The following MMP16 variants were observed in gnomAD, a reference collection of about 807,000 sequenced individuals.
MMP16 encodes matrix metalloproteinase-16.
In MMP16, 12 loss-of-function variants were observed where a neutral mutation model predicts 67.8. That is an observed-to-expected ratio of 0.18 (90% confidence interval 0.11 to 0.29). The LOEUF (loss-of-function observed/expected upper bound fraction) is 0.29. Among genes scored for constraint, MMP16 ranks in the 10% least tolerant of loss-of-function variants. MMP16 has a pLI of 1.00. For synonymous variants in MMP16, 249 were observed against 255.9 expected, an observed-to-expected ratio of 0.97 and a Z score of 0.26; for missense variants, 475 against 765.7, an observed-to-expected ratio of 0.62 and a Z score of 4.48.
intron 4 of MMP16, among the ~76,000 whole-genome samples, chr8:88,132,276 C>T (rs898344559): frequency 5.9e-5 from 9 of 151,980 alleles, no homozygotes; most frequent in African/African-American, 2.2e-4. Context: ...TTCAATTGTA[C>T]TTCATAAACA....
At chr8:88,139,491 CA>C (rs1192093541) in intron 4 of MMP16, among the ~76,000 whole-genome samples, 2 of 151,928 alleles carry the variant, frequency 1.3e-5, no homozygotes, top group Non-Finnish European at 2.9e-5. Flanking sequence ...AAAAAAGAGA[CA>C]TGCCATTTAT....
chr8:88,287,510 C>T lies in MMP16; in HGVS notation c.132+39565G>A, dbSNP rs76382750. ...TTTTCTATTTACTTCATACATAATA[C>T]CCCAAATTCAGGCCCTCGGGTTGAT... On this transcript the variant is annotated intron_variant, in intron 1 of 9. Coordinates refer to ENST00000286614, the MANE Select transcript of MMP16 (RefSeq NM_005941.5). Among the ~76,000 whole-genome samples, 1,367 of 152,264 alleles carry T rather than the reference C, an allele frequency of 9.0e-3. 10 individuals carry two copies. Among genetic ancestry groups the T allele is most frequent in the Middle Eastern group, 0.014 (4 of 294 alleles).
chr8:88,130,121 A>G (rs1264136583), intron 4 of MMP16, among the ~76,000 whole-genome samples: 1 of 151,804 alleles, frequency 6.6e-6, no homozygotes, highest in Non-Finnish European at 1.5e-5. Context: ...ATACATGTAA[A>G]GTTTGGCTTG....
intron 1 of MMP16, among the ~76,000 whole-genome samples, chr8:88,312,739 CG>C: frequency 6.6e-6 from 1 of 152,108 alleles, no homozygotes; most frequent in East Asian, 1.9e-4. Flanking sequence ...GAGGCTGAGG[CG>C]GGCAGATCAC....
intron 5 of MMP16, among the ~76,000 whole-genome samples, 171 bp from the exon 6 acceptor site, chr8:88,116,889 T>C (rs551585041): frequency 3.2e-4 from 49 of 152,212 alleles, no homozygotes; most frequent in Admixed American, 7.9e-4. Context: ...CAAAAAAGCA[T>C]TGCCAAGCCT....
chr8:88,044,881 C>T (rs926490398), intron 9 of MMP16, among the ~76,000 whole-genome samples: 4 of 152,154 alleles, frequency 2.6e-5, no homozygotes. Flanking sequence ...ATTTCTTTGT[C>T]CTTCTTAGCT....
At chr8:88,215,243 T>A (rs955677377) in intron 1 of MMP16, among the ~76,000 whole-genome samples, 9 of 151,832 alleles carry the variant, frequency 5.9e-5, no homozygotes, top group Non-Finnish European at 1.3e-4. Context: ...GGCAGCAGAA[T>A]TGCTTGAACC....
intron 4 of MMP16, among the ~76,000 whole-genome samples, chr8:88,136,569 T>G (rs542322114): frequency 2.5e-4 from 38 of 151,626 alleles, no homozygotes; most frequent in African/African-American, 9.2e-4. Context: ...TATCAGAGCC[T>G]GATAACCACA....
intron 4 of MMP16, among the ~76,000 whole-genome samples, chr8:88,120,746 C>T (rs1483236285): frequency 6.6e-6 from 1 of 151,992 alleles, no homozygotes; most frequent in African/African-American, 2.4e-5. Flanking sequence ...CAGAAAATAG[C>T]TTCAGAAACT....
In MMP16 at chr8:88,321,458, G is replaced by A. The variant is rs553176960; in HGVS notation, c.132+5617C>T. 3.2e-4 allele frequency among the ~76,000 whole-genome samples: 49 copies of A among 151,866 alleles called. 1 individual carries two copies. The highest frequency in any genetic ancestry group is 1.0e-4 in the Non-Finnish European group (7 of 67,978). ...TATATTTTTTAAATTAATTTTTAAG[G>A]TTTGCTACCTTGGCCAAAACTAGAT... On this transcript the variant is annotated intron_variant, in intron 1 of 9. Transcript: ENST00000286614.
chr8:88,251,180 G>A (rs1002664779), intron 1 of MMP16, among the ~76,000 whole-genome samples: 50 of 151,182 alleles, frequency 3.3e-4, no homozygotes, highest in Admixed American at 9.9e-4. Context: ...AGCCCGCATC[G>A]CCAAGTCAAT....
In MMP16 at chr8:88,197,025, G is replaced by C. The variant is rs543083027; in HGVS notation, c.281+133C>G. On this transcript the variant is annotated intron_variant, in intron 2 of 9. Transcript: ENST00000286614. ...TATTGGAGGAGTGGGGTTAAATTAG[G>C]TTATATAATTCCAAAGAAAGTTCAT... The C allele has an allele frequency of 7.4e-6, 6 of 813,986 alleles. No homozygotes were observed. In the South Asian group the frequency reaches 1.2e-4, roughly 16 times the overall value. The allele number at this position is 813,986 out of a possible 1,614,324, so 50.4% of individuals were successfully genotyped here. A position where few individuals can be genotyped will look rare whatever the true frequency, so the allele number is the denominator to read the frequency against.
intron 1 of MMP16, among the ~76,000 whole-genome samples, chr8:88,261,234 C>T (rs1484696788): frequency 6.6e-6 from 1 of 152,146 alleles, no homozygotes; most frequent in East Asian, 1.9e-4. Context: ...TAGGTAGTTA[C>T]GCACAGTGGG....
At chr8:88,230,552 T>C (rs1038985571) in intron 1 of MMP16, among the ~76,000 whole-genome samples, 57 of 116,214 alleles carry the variant, frequency 4.9e-4, no homozygotes, top group Middle Eastern at 4.5e-3. Flanking sequence ...TTTTTTTTTT[T>C]AGTAAGGATC....
intron 4 of MMP16, among the ~76,000 whole-genome samples, chr8:88,146,062 T>G (rs867222418): frequency 3.9e-5 from 6 of 152,126 alleles, no homozygotes; most frequent in Non-Finnish European, 7.4e-5. Context: ...ATAGTTCTTT[T>G]GCCTTAACAT....
intron 7 of MMP16, chr8:88,069,488 A>G (rs751216236): frequency 7.6e-6 from 4 of 525,646 alleles, no homozygotes; most frequent in Non-Finnish European, 7.8e-6. Flanking sequence ...TGTAGAGCCA[A>G]CCATCTTGGA....
At chr8:88,262,973 C>G (rs930781320) in intron 1 of MMP16, among the ~76,000 whole-genome samples, 4 of 150,990 alleles carry the variant, frequency 2.6e-5, no homozygotes, top group Admixed American at 6.6e-5. Context: ...TGCAGTGAGC[C>G]GAGATCGCGC....
At chr8:88,147,082 T>C (rs1563545313) in intron 4 of MMP16, among the ~76,000 whole-genome samples, 1 of 152,046 alleles carries the variant, frequency 6.6e-6, no homozygotes, top group Non-Finnish European at 1.5e-5. Flanking sequence ...ATATTCATTG[T>C]GGTTACTGAT....
At chr8:88,317,777 G>A (rs1028221328) in intron 1 of MMP16, among the ~76,000 whole-genome samples, 5 of 152,054 alleles carry the variant, frequency 3.3e-5, no homozygotes, top group Admixed American at 3.3e-4. Flanking sequence ...AACAATCTTA[G>A]GGCCTGAAGA....
Sources: gnomAD v4.1 joint callset for allele counts (sites outside exome capture counted in the v4.1 genomes callset) on GRCh38, gnomAD v4.1.1 for gene constraint, MANE v1.5 for transcripts, NCBI Gene and HGNC (gene_info 2026-07-23, HGNC 2026-07-21) for gene names.